ST8SIA4: variants seen among roughly 807,000 people sequenced by gnomAD.
ST8SIA4 encodes CMP-N-acetylneuraminate-poly-alpha-2,8-sialyltransferase.
A neutral mutation model predicts 33.9 loss-of-function variants in ST8SIA4; 15 were observed. That is an observed-to-expected ratio of 0.44 (90% CI 0.30 to 0.68). The LOEUF is 0.68. ST8SIA4 is among the 30% of genes least tolerant of loss of function. The probability of loss-of-function intolerance (pLI) is 0.10; values close to 1 mark genes in which losing one functional copy is unlikely to be tolerated. For missense variants in ST8SIA4, 321 were observed against 428.0 expected (o/e 0.75, Z 2.21); for synonymous variants, 171 against 151.2 (o/e 1.13, Z -0.96).
At chr5:100,864,500 G>A (rs1416353368) in intron 3 of ST8SIA4, among the ~76,000 whole-genome samples, 1 of 150,324 alleles carries the variant, frequency 6.7e-6, no homozygotes, top group Non-Finnish European at 1.5e-5. Flanking sequence ...GCGTGAACCT[G>A]GGAGTTGGAG....
chr5:100,868,462 G>T (rs1752125249), intron 3 of ST8SIA4, among the ~76,000 whole-genome samples: 1 of 151,974 alleles, frequency 6.6e-6, no homozygotes, highest in Admixed American at 6.6e-5. Flanking sequence ...CCAGTTGCTT[G>T]CCACAGGGAC....
At chr5:100,816,981 C>T (rs1229288724) in intron 4 of ST8SIA4, among the ~76,000 whole-genome samples, 29 of 149,352 alleles carry the variant, frequency 1.9e-4, no homozygotes, top group Non-Finnish European at 2.8e-4. Flanking sequence ...GTCGCTGTGT[C>T]ACCCAGGCTG....
intron 4 of ST8SIA4, among the ~76,000 whole-genome samples, chr5:100,838,769 A>G (rs1442916485): frequency 6.6e-6 from 1 of 152,052 alleles, no homozygotes; most frequent in Non-Finnish European, 1.5e-5. Context: ...GTAGATGCTT[A>G]GAAGCTATTC....
chr5:100,813,699 A>G (rs1439624691), intron 4 of ST8SIA4, among the ~76,000 whole-genome samples: 2 of 152,030 alleles, frequency 1.3e-5, no homozygotes, highest in Non-Finnish European at 2.9e-5. Context: ...GGGCTCTGAG[A>G]AAACAAGTGT....
At chr5:100,885,947 A>G (rs1752526264) in intron 3 of ST8SIA4, 1 of 826,750 alleles carries the variant, frequency 1.2e-6, no homozygotes, top group Non-Finnish European at 1.5e-6. Flanking sequence ...TAACATTAAC[A>G]TAAATCTATT....
intron 4 of ST8SIA4, among the ~76,000 whole-genome samples, chr5:100,835,443 G>A (rs1261683760): frequency 6.6e-6 from 1 of 152,022 alleles, no homozygotes; most frequent in Non-Finnish European, 1.5e-5. Flanking sequence ...CAAAGTAAAT[G>A]TGGCTACTTG....
At chr5:100,868,715 T>A (rs1019200933) in intron 3 of ST8SIA4, among the ~76,000 whole-genome samples, 1 of 152,100 alleles carries the variant, frequency 6.6e-6, no homozygotes, top group Admixed American at 6.6e-5. Flanking sequence ...TTATTTATGC[T>A]GATGTCTCTA....
intron 3 of ST8SIA4, chr5:100,885,709 T>C (rs1430596852): frequency 2.1e-6 from 2 of 947,736 alleles, no homozygotes; most frequent in African/African-American, 3.5e-5. Context: ...TGTTGAGTTT[T>C]TTTCAGTTAA....
intron 4 of ST8SIA4, among the ~76,000 whole-genome samples, chr5:100,827,275 T>C (rs1186028391): frequency 6.6e-6 from 1 of 152,236 alleles, no homozygotes; most frequent in Non-Finnish European, 1.5e-5. Flanking sequence ...CTTTTTCAGA[T>C]GTGTCATGGA....
At chr5:100,828,235 T>C (rs985614638) in intron 4 of ST8SIA4, among the ~76,000 whole-genome samples, 28 of 152,074 alleles carry the variant, frequency 1.8e-4, no homozygotes, top group African/African-American at 5.1e-4. Flanking sequence ...CCAACTACCG[T>C]GTAAAACCCT....
intron 4 of ST8SIA4, chr5:100,849,566 G>C: frequency 7.3e-6 from 4 of 544,806 alleles, no homozygotes; most frequent in Non-Finnish European, 9.3e-6. Context: ...TGGATCACCT[G>C]AGGTTGCAGT....
chr5:100,841,046 G>A (rs1178913566), intron 4 of ST8SIA4, among the ~76,000 whole-genome samples: 1 of 151,722 alleles, frequency 6.6e-6, no homozygotes, highest in African/African-American at 2.4e-5. Context: ...TAAGGGAAAT[G>A]CAAAACCTAC....
intron 4 of ST8SIA4, among the ~76,000 whole-genome samples, chr5:100,853,008 T>G (rs188883876): frequency 1.3e-5 from 2 of 152,314 alleles, no homozygotes; most frequent in African/African-American, 4.8e-5. Context: ...GTGCTTTAAT[T>G]GCTCATGAGA....
intron 2 of ST8SIA4, 105 bp from the exon 3 acceptor site, chr5:100,886,705 A>G (rs1199598305): frequency 2.2e-6 from 2 of 928,204 alleles, no homozygotes; most frequent in Non-Finnish European, 3.3e-6. Context: ...TTGGCAAACT[A>G]TTAATCTTAG....
At chr5:100,832,346 TA>T (rs1048313617) in intron 4 of ST8SIA4, among the ~76,000 whole-genome samples, 6 of 151,374 alleles carry the variant, frequency 4.0e-5, no homozygotes, top group East Asian at 1.9e-4. Context: ...TCTCAATTTC[TA>T]AAAAAAAATG....
At chr5:100,815,955 A>T (rs1750907441) in intron 4 of ST8SIA4, among the ~76,000 whole-genome samples, 1 of 152,238 alleles carries the variant, frequency 6.6e-6, no homozygotes, top group Non-Finnish European at 1.5e-5. Flanking sequence ...ATCATTCTTC[A>T]GTCCCACTCA....
At chr5:100,888,962 C>A (rs765240086) in intron 2 of ST8SIA4, among the ~76,000 whole-genome samples, 10 of 151,782 alleles carry the variant, frequency 6.6e-5, no homozygotes, top group Non-Finnish European at 1.5e-4. Flanking sequence ...ACAGAAAATC[C>A]TATACAAATG....
intron 2 of ST8SIA4, among the ~76,000 whole-genome samples, chr5:100,893,907 G>A (rs887350278): frequency 1.3e-5 from 2 of 151,910 alleles, no homozygotes; most frequent in African/African-American, 4.8e-5. Flanking sequence ...TCAAATTTTT[G>A]CTATTTAATC....
At chr5:100,812,215 C>A (rs1447726575) in intron 4 of ST8SIA4, 86 bp from the exon 5 acceptor site, 2 of 1,105,556 alleles carry the variant, frequency 1.8e-6, no homozygotes, top group African/African-American at 1.6e-5. Context: ...ATGCAGAAAA[C>A]TTAAAAGGTA....
Sources: allele counts gnomAD v4.1 joint callset (sites outside exome capture counted in the v4.1 genomes callset), GRCh38; gene constraint gnomAD v4.1.1; transcripts MANE v1.5; gene names NCBI Gene and HGNC (gene_info 2026-07-23, HGNC 2026-07-21).